PRDM15: variants seen among roughly 807,000 people sequenced by gnomAD.
PRDM15 encodes PR domain zinc finger protein 15.
PRDM15 carries 64 observed loss-of-function variants against 128.6 expected under a neutral mutation model. That is an observed-to-expected ratio of 0.50 (90% confidence interval 0.41 to 0.61). PRDM15 has a LOEUF of 0.61. Among genes scored for constraint, PRDM15 ranks in the 20% least tolerant of loss-of-function variants. The probability of loss-of-function intolerance (pLI) is 0.00; values close to 1 mark genes in which losing one functional copy is unlikely to be tolerated. For synonymous variants in PRDM15, 615 were observed against 621.8 expected (o/e 0.99, Z 0.16); for missense variants, 1,242 against 1,569.1 (o/e 0.79, Z 3.52).
intron 5 of PRDM15, among the ~76,000 whole-genome samples, chr21:41,849,222 T>C (rs1207991493): frequency 6.6e-6 from 1 of 152,222 alleles, no homozygotes; most frequent in Non-Finnish European, 1.5e-5. Flanking sequence ...TGGGATGAAG[T>C]CGAGGTCTGT....
intron 1 of PRDM15, chr21:41,878,941 C>G: frequency 1.0e-6 from 1 of 955,922 alleles, no homozygotes; most frequent in Non-Finnish European, 1.2e-6. Context: ...GCGGGGGGCG[C>G]GAGGCAGGGG....
chr21:41,875,730 A>G (rs1367345020), intron 1 of PRDM15, among the ~76,000 whole-genome samples: 4 of 152,176 alleles, frequency 2.6e-5, no homozygotes, highest in Non-Finnish European at 5.9e-5. Context: ...CACTCTATTG[A>G]TTCACCCTAC....
chr21:41,864,778 C>T (rs1490687753), intron 1 of PRDM15, among the ~76,000 whole-genome samples: 1 of 152,124 alleles, frequency 6.6e-6, no homozygotes, highest in Non-Finnish European at 1.5e-5. Flanking sequence ...AATCACATCG[C>T]TTGCCAGCCT....
rs539531380 is a variant in PRDM15 at position 41,871,737 on chromosome 21, AAT to A, written c.-10+7531_-10+7532del. 41 of 1,176,776 alleles carry A rather than the reference AAT, an allele frequency of 3.5e-5. No individual in the cohort carries two copies. In the South Asian group the frequency reaches 6.6e-4, roughly 19 times the overall value. 72.9% of individuals were successfully genotyped at this position (1,176,776 alleles called of 1,614,324 possible). A position where few individuals can be genotyped will look rare whatever the true frequency, so the allele number is the denominator to read the frequency against. On this transcript the variant is annotated intron_variant, in intron 1 of 23. Coordinates refer to ENST00000398548, the MANE Select transcript of PRDM15 (RefSeq NM_001040424.3). ...TCCTCTGTTGTTACCACTGACAGCC[AAT>A]CAGCAGCCTCCTTCCTGGATGGTTG...
intron 11 of PRDM15, among the ~76,000 whole-genome samples, chr21:41,830,162 C>T (rs2062633610): frequency 6.6e-6 from 1 of 151,056 alleles, no homozygotes; most frequent in African/African-American, 2.4e-5. Flanking sequence ...CAAATACACA[C>T]ACAACACACA....
At chr21:41,834,927 A>C (rs376149085) in intron 11 of PRDM15, among the ~76,000 whole-genome samples, 75 of 152,328 alleles carry the variant, frequency 4.9e-4, no homozygotes, top group South Asian at 3.3e-3. Flanking sequence ...TATTTTTGGA[A>C]GCTGGTGCAC....
chr21:41,858,348 C>A lies in PRDM15; in HGVS notation c.132-1019G>T, dbSNP rs145846230. 1.1e-3 allele frequency among the ~76,000 whole-genome samples: 163 copies of A among 152,248 alleles called. No individual in the cohort carries two copies. In the East Asian group the frequency reaches 0.03, roughly 28 times the overall value. ...GGACATTGGGTCCCCAGAGCACAGG[C>A]CCCTCCGACAGAGGCGGACATTGGG... On this transcript the variant is annotated intron_variant, in intron 3 of 23. Coordinates refer to ENST00000398548, the MANE Select transcript of PRDM15 (RefSeq NM_001040424.3).
At position 41,801,369 on chromosome 21, in the gene PRDM15, G is replaced by A. The variant is rs764175753; in HGVS notation, c.3297C>T (p.His1099=). The change falls in exon 24 of 24, where the codon CAC becomes CAT. Residue 1099 remains histidine (H), a synonymous_variant. Coordinates refer to ENST00000398548, the MANE Select transcript of PRDM15 (RefSeq NM_001040424.3). The part of the protein sequence containing the change: ...TPLGSQLSDQ[H]PLTWRAVPQT... ...GGGGCACTGCCCGCCACGTGAGCGGGTGCTGGTCACTAAGCTGGCTCCCCA... is the reference window on the plus strand; with the variant it reads ...GGGGCACTGCCCGCCACGTGAGCGGATGCTGGTCACTAAGCTGGCTCCCCA... 2.5e-6 allele frequency: 4 copies of A among 1,610,946 alleles called. No homozygotes were observed. In the South Asian group the frequency reaches 4.4e-5, roughly 18 times the overall value.
intron 11 of PRDM15, among the ~76,000 whole-genome samples, chr21:41,829,585 ACACACACCACATACACTAT>A (rs2062611259): frequency 6.6e-6 from 1 of 151,796 alleles, no homozygotes. Flanking sequence ...CAGACATTCA[ACACACACCACATACACTAT>A]CACACACCAC....
chr21:41,871,952 A>G, intron 1 of PRDM15: 1 of 217,360 alleles, frequency 4.6e-6, no homozygotes, highest in Non-Finnish European at 9.0e-6. Flanking sequence ...TCTGCAAGGA[A>G]GGCCCCAGGA....
chr21:41,845,377 TCA>T (rs1301046427), intron 6 of PRDM15, among the ~76,000 whole-genome samples: 4 of 145,600 alleles, frequency 2.7e-5, no homozygotes, highest in African/African-American at 1.0e-4. Context: ...GGGCTGCTCC[TCA>T]GTCTCCTTCC....
chr21:41,855,007 G>C (rs1381138933), intron 4 of PRDM15, among the ~76,000 whole-genome samples, 189 bp from the exon 5 acceptor site: 1 of 152,228 alleles, frequency 6.6e-6, no homozygotes, highest in Non-Finnish European at 1.5e-5. Context: ...ATGTGGTTTG[G>C]ACGGGTCAGG....
chr21:41,852,754 G>C (rs752895020), intron 5 of PRDM15, among the ~76,000 whole-genome samples: 1 of 152,150 alleles, frequency 6.6e-6, no homozygotes, highest in Admixed American at 6.5e-5. Flanking sequence ...CATCCCCAGC[G>C]GCCCCTCTCC....
chr21:41,854,803 C>G lies in PRDM15; in HGVS notation c.301G>C (p.Gly101Arg), dbSNP rs190965453. ...AFPLKVFQKD[G>R]HPVCFDTSNE... ...GAGGTGTCGAAGCACACGGGGTGCC[C>G]GTCCTTCTGGAACACCTGAAGGTGA... The change falls in exon 5 of 24, where the codon GGG (glycine) becomes CGG (arginine). Residue 101 changes from glycine to arginine, a missense_variant. Physicochemically the swap from Gly to Arg is moderately radical, Grantham distance 125. Around this residue, in one of 3 missense-constraint regions of PRDM15, gnomAD observed 612 missense variants for 717.0 expected, o/e 0.85. Transcript: ENST00000398548. The surrounding 1 kb of genome is among the most constrained non-coding windows in gnomAD (Gnocchi z 4.6). 1.2e-6 allele frequency: 2 copies of G among 1,601,624 alleles called. No homozygotes were observed. The highest frequency in any genetic ancestry group is 2.2e-5 in the South Asian group (2 of 90,634).
intron 5 of PRDM15, among the ~76,000 whole-genome samples, chr21:41,849,223 C>T (rs1331094831): frequency 6.6e-6 from 1 of 152,224 alleles, no homozygotes; most frequent in Non-Finnish European, 1.5e-5. Flanking sequence ...GGGATGAAGT[C>T]GAGGTCTGTA....
At chr21:41,837,679 A>G (rs998843707) in intron 8 of PRDM15, among the ~76,000 whole-genome samples, 4 of 152,164 alleles carry the variant, frequency 2.6e-5, no homozygotes, top group African/African-American at 7.2e-5. Flanking sequence ...CATGGTTAAA[A>G]TGGTTAAATT....
intron 6 of PRDM15, among the ~76,000 whole-genome samples, chr21:41,845,867 C>T (rs944518886): frequency 2.6e-5 from 4 of 152,048 alleles, no homozygotes; most frequent in African/African-American, 4.8e-5. Context: ...GACCACCTGG[C>T]GCAAGCAGCA....
chr21:41,828,281 G>T lies in PRDM15; in HGVS notation c.1419C>A (p.Ser473Arg). 6.2e-7 allele frequency: 1 copy of T among 1,614,054 alleles called. No homozygotes were observed. The highest frequency in any genetic ancestry group is 8.5e-7 in the Non-Finnish European group (1 of 1,179,980). ...EMCFRFFSTN[S>R]NLSKHKKKHG... The stretch of plus-strand genomic sequence containing the variant: ...GCTTCTTCTTGTGCTTGGAGAGGTT[G>T]CTGTTGGTGGAGAAGAATCTGAAAC... The change falls in exon 12 of 24, where the codon AGC becomes AGA. Residue 473 changes from serine to arginine, a missense_variant. Around this residue, in one of 3 missense-constraint regions of PRDM15, gnomAD observed 612 missense variants for 717.0 expected, o/e 0.85. Coordinates refer to ENST00000398548, the MANE Select transcript of PRDM15 (RefSeq NM_001040424.3). This position sits in a 1 kb window ranked among gnomAD's most constrained non-coding sequence, Gnocchi z 5.7.
rs1046368059 is a variant in PRDM15, at chr21:41,813,287, G to A, written c.2392+2418C>T. ...GCAGGCAGAGTGTGGGGTGTTCTGA[G>A]AACCCAGATGAGGGCATGTGGCCCA... On this transcript the variant is annotated intron_variant, in intron 19 of 23. Transcript: ENST00000398548. 3.3e-5 allele frequency: 5 copies of A among 152,370 alleles called. No homozygotes were observed. In the East Asian group the frequency reaches 9.6e-4, roughly 29 times the overall value. 9.4% of individuals were successfully genotyped at this position (152,370 alleles called of 1,614,324 possible).
Sources: gnomAD v4.1 joint callset for allele counts (sites outside exome capture counted in the v4.1 genomes callset) on GRCh38, gnomAD v4.1.1 for gene constraint, gnomAD v4.1.1 regional missense constraint, Gnocchi (gnomAD v3.1) non-coding constraint, MANE v1.5 for transcripts, NCBI Gene and HGNC (gene_info 2026-07-23, HGNC 2026-07-21) for gene names.